The following UNC5D variants were observed in gnomAD, a reference collection of about 807,000 sequenced individuals.
The protein encoded by UNC5D is netrin receptor UNC5D.
Under a neutral mutation model 105.4 loss-of-function variants are expected in UNC5D, and 39 were observed. The ratio of observed to expected loss-of-function variants is 0.37; its 90% confidence interval spans 0.29 to 0.48. The LOEUF (loss-of-function observed/expected upper bound fraction) is 0.48. Among genes scored for constraint, UNC5D ranks in the 20% least tolerant of loss-of-function variants. The pLI is 0.98. For synonymous variants in UNC5D, 452 were observed against 450.4 expected (o/e 1.00, Z -0.04); for missense variants, 991 against 1,202.4 (o/e 0.82, Z 2.60).
intron 1 of UNC5D, among the ~76,000 whole-genome samples, chr8:35,429,385 A>T (rs1038918898): frequency 6.6e-6 from 1 of 152,060 alleles, no homozygotes; most frequent in African/African-American, 2.4e-5. Context: ...GTGAATAGTC[A>T]GACTACCACT....
intron 1 of UNC5D, among the ~76,000 whole-genome samples, chr8:35,271,970 A>G (rs1297959977): frequency 1.3e-5 from 2 of 151,914 alleles, no homozygotes; most frequent in African/African-American, 4.8e-5. Context: ...CAAACACAGT[A>G]TGGATGGGAG....
intron 3 of UNC5D, among the ~76,000 whole-genome samples, chr8:35,594,581 G>A (rs1297722523): frequency 6.6e-6 from 1 of 152,108 alleles, no homozygotes; most frequent in Non-Finnish European, 1.5e-5. Flanking sequence ...CTTTCAAGTG[G>A]CAGCAAGAAT....
intron 13 of UNC5D, among the ~76,000 whole-genome samples, chr8:35,751,533 G>A (rs1237886610): frequency 6.6e-6 from 1 of 152,158 alleles, no homozygotes; most frequent in African/African-American, 2.4e-5. Context: ...AGTTAGTTTG[G>A]CCTATACACA....
intron 1 of UNC5D, among the ~76,000 whole-genome samples, chr8:35,396,003 C>T (rs1804071961): frequency 6.6e-6 from 1 of 152,124 alleles, no homozygotes; most frequent in Non-Finnish European, 1.5e-5. Flanking sequence ...GAAGAAAAAG[C>T]CCCAGAGCTT....
intron 1 of UNC5D, among the ~76,000 whole-genome samples, chr8:35,459,761 A>T (rs1480248236): frequency 1.3e-5 from 2 of 152,170 alleles, no homozygotes; most frequent in Non-Finnish European, 2.9e-5. Flanking sequence ...AAAGCATCTT[A>T]TTTCAAACTT....
intron 8 of UNC5D, among the ~76,000 whole-genome samples, chr8:35,715,406 G>A (rs1204208434): frequency 3.3e-5 from 5 of 152,110 alleles, no homozygotes; most frequent in African/African-American, 1.2e-4. Context: ...TTTTTGCATA[G>A]TATATGTACC....
At chr8:35,622,242 T>C (rs994283032) in intron 4 of UNC5D, among the ~76,000 whole-genome samples, 1 of 152,140 alleles carries the variant, frequency 6.6e-6, no homozygotes, top group East Asian at 1.9e-4. Flanking sequence ...CTCGAGAGGC[T>C]GAGGCAGGAG....
intron 4 of UNC5D, among the ~76,000 whole-genome samples, chr8:35,670,483 A>G (rs1056523730): frequency 6.6e-6 from 1 of 152,214 alleles, no homozygotes; most frequent in African/African-American, 2.4e-5. Context: ...GATAGACTGC[A>G]TAAAGAAAAT....
intron 1 of UNC5D, among the ~76,000 whole-genome samples, chr8:35,545,148 G>A (rs1218354410): frequency 1.3e-5 from 2 of 152,260 alleles, no homozygotes; most frequent in South Asian, 2.1e-4. Flanking sequence ...TGGCATATGT[G>A]TTGAGATTAT....
rs950807733 is a variant in UNC5D, at chr8:35,792,299, CTT to C, written c.*1737_*1738del. On this transcript the variant is annotated 3_prime_UTR_variant, in exon 17 of 17. Coordinates refer to ENST00000404895, the MANE Select transcript of UNC5D (RefSeq NM_080872.4). ...ACCATGGGTAAGGCATGGAAGAACTCTTGAATGTGTTGGCCATTTTCTCTAAC... is the reference window on the plus strand; with the variant it reads ...ACCATGGGTAAGGCATGGAAGAACTCGAATGTGTTGGCCATTTTCTCTAAC... The C allele has an allele frequency of 2.0e-5, 3 of 152,070 alleles. No homozygotes were observed. Among genetic ancestry groups the C allele is most frequent in the Non-Finnish European group, 4.4e-5 (3 of 68,020 alleles). 9.4% of individuals were successfully genotyped at this position (152,070 alleles called of 1,614,324 possible). A position where few individuals can be genotyped will look rare whatever the true frequency, so the allele number is the denominator to read the frequency against.
intron 3 of UNC5D, among the ~76,000 whole-genome samples, chr8:35,570,378 G>C (rs1362914490): frequency 1.3e-5 from 2 of 152,070 alleles, no homozygotes; most frequent in Non-Finnish European, 2.9e-5. Flanking sequence ...AAGGGTGCCT[G>C]GTTCATAGAA....
chr8:35,633,832 G>T (rs1822195187), intron 4 of UNC5D, among the ~76,000 whole-genome samples: 1 of 152,110 alleles, frequency 6.6e-6, no homozygotes, highest in African/African-American at 2.4e-5. Context: ...GAAGGAGTGG[G>T]CCCAGGCAGG....
chr8:35,646,912 G>C (rs1023431620), intron 4 of UNC5D, among the ~76,000 whole-genome samples: 1 of 152,124 alleles, frequency 6.6e-6, no homozygotes, highest in African/African-American at 2.4e-5. Context: ...TAGCCTAACA[G>C]ACTCAATGAT....
intron 1 of UNC5D, among the ~76,000 whole-genome samples, chr8:35,427,299 G>A (rs1806317287): frequency 6.6e-6 from 1 of 152,150 alleles, no homozygotes; most frequent in African/African-American, 2.4e-5. Context: ...ATGCACATAG[G>A]TGAGTAGACA....
intron 1 of UNC5D, among the ~76,000 whole-genome samples, chr8:35,426,879 G>A (rs1200300732): frequency 1.3e-5 from 2 of 152,104 alleles, no homozygotes; most frequent in Non-Finnish European, 2.9e-5. Context: ...GTCACCCAGT[G>A]GAAGGCATTC....
intron 1 of UNC5D, among the ~76,000 whole-genome samples, chr8:35,304,271 T>C (rs1808175770): frequency 6.6e-6 from 1 of 152,146 alleles, no homozygotes; most frequent in African/African-American, 2.4e-5. Flanking sequence ...TTACTTGCTG[T>C]TGATTTGCAT....
At chr8:35,492,474 G>C (rs886779909) in intron 1 of UNC5D, among the ~76,000 whole-genome samples, 3 of 152,028 alleles carry the variant, frequency 2.0e-5, no homozygotes, top group African/African-American at 7.2e-5. Flanking sequence ...TGAGAACTTG[G>C]GTTCTCCAAA....
At chr8:35,414,152 A>G (rs575102838) in intron 1 of UNC5D, among the ~76,000 whole-genome samples, 8 of 152,260 alleles carry the variant, frequency 5.3e-5, no homozygotes, top group South Asian at 4.1e-4. Context: ...CTGGCTGTAT[A>G]TACTGGAGCC....
chr8:35,545,517 G>T (rs930639032), intron 1 of UNC5D, among the ~76,000 whole-genome samples: 1 of 152,098 alleles, frequency 6.6e-6, no homozygotes, highest in Non-Finnish European at 1.5e-5. Context: ...TTGCTGGAGG[G>T]CAGCCACCTA....
Sources: gnomAD v4.1 joint callset for allele counts (sites outside exome capture counted in the v4.1 genomes callset) on GRCh38, gnomAD v4.1.1 for gene constraint, MANE v1.5 for transcripts, NCBI Gene and HGNC (gene_info 2026-07-23, HGNC 2026-07-21) for gene names.